Variants in SMCO4 observed in about 807,000 individuals in gnomAD.
The protein encoded by SMCO4 is single-pass membrane and coiled-coil domain-containing protein 4.
A neutral mutation model predicts 3.6 loss-of-function variants in SMCO4; 4 were observed. The ratio of observed to expected loss-of-function variants is 1.11; its 90% CI spans 0.54 to 2.53. The LOEUF is 2.53. Among genes scored for constraint, SMCO4 ranks in the 30% most tolerant of loss-of-function variants. The pLI is 0.02. For missense variants in SMCO4, 70 were observed against 80.8 expected, an observed-to-expected ratio of 0.87 and a Z score of 0.51; for synonymous variants, 36 against 35.3, an observed-to-expected ratio of 1.02 and a Z score of -0.07.
At chr11:93,479,900 C>T (rs1256845902) in intron 2 of SMCO4, among the ~76,000 whole-genome samples, 1 of 152,162 alleles carries the variant, frequency 6.6e-6, no homozygotes, top group African/African-American at 2.4e-5. Context: ...CAGAGGTCAC[C>T]GTCTAGGGGG....
At chr11:93,485,692 C>T (rs980846900) in intron 2 of SMCO4, among the ~76,000 whole-genome samples, 5 of 152,224 alleles carry the variant, frequency 3.3e-5, no homozygotes, top group African/African-American at 1.2e-4. Flanking sequence ...AGGTGCTCAA[C>T]AAACATCTGC....
At chr11:93,514,421 T>TATATAAAA (rs1271205813) in intron 1 of SMCO4, among the ~76,000 whole-genome samples, 1 of 53,412 alleles carries the variant, frequency 1.9e-5, no homozygotes, top group African/African-American at 7.2e-5. Context: ...TATATATATA[T>TATATAAAA]AAAATTTGGT....
chr11:93,481,042 G>GAA (rs11480853), intron 2 of SMCO4, among the ~76,000 whole-genome samples: 182 of 148,958 alleles, frequency 1.2e-3, no homozygotes, highest in Non-Finnish European at 1.3e-3. Flanking sequence ...GGAACAGAGA[G>GAA]AAAAAAAAAA....
At chr11:93,490,077 C>T (rs762588449) in intron 2 of SMCO4, among the ~76,000 whole-genome samples, 30 of 152,208 alleles carry the variant, frequency 2.0e-4, no homozygotes, top group Non-Finnish European at 3.8e-4. Flanking sequence ...GGAAAGGCTG[C>T]CTTTTAAGGA....
At chr11:93,479,371 C>A in intron 2 of SMCO4, 102 bp from the exon 3 acceptor site, 5 of 1,148,000 alleles carry the variant, frequency 4.4e-6, no homozygotes, top group Non-Finnish European at 5.8e-6. Context: ...CTGCAACTTA[C>A]ATGACAAAGG....
chr11:93,489,814 A>G (rs1363602576), intron 2 of SMCO4, among the ~76,000 whole-genome samples: 2 of 142,676 alleles, frequency 1.4e-5, no homozygotes, highest in East Asian at 2.3e-4. Flanking sequence ...TCCATCCCCA[A>G]TGCAGAGTTC....
At chr11:93,519,642 A>C (rs1164771853) in intron 1 of SMCO4, among the ~76,000 whole-genome samples, 1 of 152,202 alleles carries the variant, frequency 6.6e-6, no homozygotes, top group African/African-American at 2.4e-5. Context: ...AAAAGTTCGA[A>C]CTAAAACCAA....
upstream of SMCO4, among the ~76,000 whole-genome samples, chr11:93,547,391 T>A (rs1365620580): frequency 6.6e-6 from 1 of 152,238 alleles, no homozygotes; most frequent in Non-Finnish European, 1.5e-5. Context: ...AACCAGTGAA[T>A]GTCCACTACA....
chr11:93,512,353 C>T (rs894567199), intron 1 of SMCO4, among the ~76,000 whole-genome samples: 2 of 152,134 alleles, frequency 1.3e-5, no homozygotes, highest in Non-Finnish European at 2.9e-5. Flanking sequence ...AGCATTACTC[C>T]GTGTTTGTGG....
intron 2 of SMCO4, among the ~76,000 whole-genome samples, chr11:93,494,355 G>A (rs914390772): frequency 3.5e-4 from 53 of 152,264 alleles, no homozygotes; most frequent in African/African-American, 1.2e-3. Context: ...AGAGTGCAGG[G>A]TTAACCACCA....
chr11:93,520,242 A>C (rs1413847927), intron 1 of SMCO4, among the ~76,000 whole-genome samples: 1 of 152,242 alleles, frequency 6.6e-6, no homozygotes, highest in Non-Finnish European at 1.5e-5. Flanking sequence ...GCAACAGCAC[A>C]GCCAGGTGTA....
At chr11:93,552,442 GTTATTATTATTA>G in the SMCO4 span, among the ~76,000 whole-genome samples, 2,184 of 130,224 alleles carry the variant, frequency 0.017, 47 homozygotes, top group African/African-American at 0.048. Context: ...GCCCAGCCAC[GTTATTATTATTA>G]TTATTATTAT....
chr11:93,496,442 A>C (rs1397932563), intron 2 of SMCO4, among the ~76,000 whole-genome samples: 1 of 152,238 alleles, frequency 6.6e-6, no homozygotes, highest in Non-Finnish European at 1.5e-5. Context: ...GAAAGGGACT[A>C]TGGTAGAAGT....
chr11:93,523,687 T>C (rs2134623656), intron 1 of SMCO4, among the ~76,000 whole-genome samples: 1 of 152,288 alleles, frequency 6.6e-6, no homozygotes, highest in South Asian at 2.1e-4. Flanking sequence ...TCAAATTTAG[T>C]TTTTTAAGTC....
chr11:93,515,911 CCA>C (rs1451161459), intron 1 of SMCO4, among the ~76,000 whole-genome samples: 1 of 152,178 alleles, frequency 6.6e-6, no homozygotes, highest in African/African-American at 2.4e-5. Flanking sequence ...TCTCCCCTCT[CCA>C]GTCTGACCCC....
chr11:93,508,532 G>T (rs1304597184), intron 1 of SMCO4, among the ~76,000 whole-genome samples: 1 of 152,076 alleles, frequency 6.6e-6, no homozygotes, highest in Non-Finnish European at 1.5e-5. Context: ...AGAAAAGCAG[G>T]GTCTTGCCAA....
rs550849292 is a variant in SMCO4, at chr11:93,486,183, C to T, written c.-80-6914G>A. Among the ~76,000 whole-genome samples the T allele has an allele frequency of 1.4e-4, 22 of 152,292 alleles. 1 individual carries two copies. Among genetic ancestry groups the T allele is most frequent in the African/African-American group, 4.3e-4 (18 of 41,574 alleles). Reference sequence around the variant, plus strand: ...TGCAAGCCTCACAGCAGCCTTCATCCCCATTTTGCAGACAAGGGAACTGAG... The same window carrying T: ...TGCAAGCCTCACAGCAGCCTTCATCTCCATTTTGCAGACAAGGGAACTGAG... On this transcript the variant is annotated intron_variant, in intron 2 of 2. Transcript: ENST00000298966.
chr11:93,482,640 A>T (rs1028643136), intron 2 of SMCO4, among the ~76,000 whole-genome samples: 1 of 152,238 alleles, frequency 6.6e-6, no homozygotes, highest in African/African-American at 2.4e-5. Context: ...AAGACAGTCA[A>T]GAAGGTCAAC....
At chr11:93,495,516 T>C (rs1386956475) in intron 2 of SMCO4, among the ~76,000 whole-genome samples, 2 of 152,136 alleles carry the variant, frequency 1.3e-5, no homozygotes, top group Non-Finnish European at 2.9e-5. Flanking sequence ...AGGAAAAACA[T>C]ATTTAAAAAG....
Sources: gnomAD v4.1 joint callset for allele counts (sites outside exome capture counted in the v4.1 genomes callset) on GRCh38, gnomAD v4.1.1 for gene constraint, MANE v1.5 for transcripts, NCBI Gene and HGNC (gene_info 2026-07-23, HGNC 2026-07-21) for gene names.